The following TBCK variants were observed in gnomAD, a reference collection of about 807,000 sequenced individuals.
TBCK encodes the protein TBC domain-containing protein kinase-like protein.
Under a neutral mutation model 113.4 loss-of-function variants are expected in TBCK, and 99 were observed. The ratio of observed to expected loss-of-function variants is 0.87; its 90% CI spans 0.74 to 1.03. The LOEUF (loss-of-function observed/expected upper bound fraction) is 1.03, where lower values mean the gene tolerates loss of function less well. Ranked by LOEUF, TBCK falls within the 50% of genes least tolerant of loss-of-function variation. TBCK has a pLI of 0.00. For missense variants in TBCK, 1,045 were observed against 1,061.3 expected, an observed-to-expected ratio of 0.98 and a Z score of 0.21; for synonymous variants, 369 against 370.8, an observed-to-expected ratio of 1.00 and a Z score of 0.05.
At chr4:106,061,310 A>G (rs1227472662) in intron 25 of TBCK, among the ~76,000 whole-genome samples, 1 of 151,732 alleles carries the variant, frequency 6.6e-6, no homozygotes, top group Non-Finnish European at 1.5e-5. Flanking sequence ...AGCCACTTCA[A>G]TCTTTAGCCA....
rs115981747 is a variant in TBCK, at chr4:106,277,547, A to G, written c.267-15335T>C. On this transcript the variant is annotated intron_variant, in intron 3 of 25. Coordinates refer to ENST00000394708, the MANE Select transcript of TBCK (RefSeq NM_001163435.3). ...TATGATACATGAAACCACATGGATG[A>G]CCCTCAGAAATTATGCTGAATGAAG... Among the ~76,000 whole-genome samples the G allele has an allele frequency of 2.7e-3, 414 of 152,310 alleles. 2 individuals are homozygous for G. Among genetic ancestry groups the G allele is most frequent in the South Asian group, 8.1e-3 (39 of 4,828 alleles).
intron 22 of TBCK, among the ~76,000 whole-genome samples, chr4:106,184,737 C>G (rs1264580049): frequency 6.6e-6 from 1 of 151,998 alleles, no homozygotes; most frequent in Non-Finnish European, 1.5e-5. Context: ...ATATAATTCA[C>G]CCAGCCTTTC....
intron 25 of TBCK, among the ~76,000 whole-genome samples, chr4:106,075,209 A>G (rs1419835793): frequency 6.6e-6 from 1 of 152,232 alleles, no homozygotes; most frequent in African/African-American, 2.4e-5. Context: ...ACATGCAAGT[A>G]AATATGTAAA....
At position 106,212,956 on chromosome 4, in the gene TBCK, G is replaced by A. The variant is rs188230872; in HGVS notation, c.1775-121C>T. ...TAATTTCTCCATGAGAATACTTTACGTGATAATTTTGTTTTGTTACTATTT... is the reference window on the plus strand; with the variant it reads ...TAATTTCTCCATGAGAATACTTTACATGATAATTTTGTTTTGTTACTATTT... On this transcript the variant is annotated intron_variant, in intron 19 of 25. Coordinates refer to ENST00000394708, the MANE Select transcript of TBCK (RefSeq NM_001163435.3). The A allele has an allele frequency of 7.9e-3, 5,073 of 645,862 alleles. 36 individuals are homozygous for A. The highest frequency in any genetic ancestry group is 0.011 in the Non-Finnish European group (4,010 of 380,298). 40.0% of individuals were successfully genotyped at this position (645,862 alleles called of 1,614,324 possible). A position where few individuals can be genotyped will look rare whatever the true frequency, so the allele number is the denominator to read the frequency against.
chr4:106,308,268 C>T (rs1767754656), intron 2 of TBCK, among the ~76,000 whole-genome samples: 1 of 151,970 alleles, frequency 6.6e-6, no homozygotes, highest in East Asian at 1.9e-4. Flanking sequence ...TCCTCAAGAA[C>T]TAAGAATCCT....
At chr4:106,047,105 T>A (rs1031116897) in intron 25 of TBCK, among the ~76,000 whole-genome samples, 3 of 152,146 alleles carry the variant, frequency 2.0e-5, no homozygotes, top group African/African-American at 7.2e-5. Context: ...AAAATTTTGA[T>A]ATTATGGTCC....
chr4:106,102,199 T>C (rs1447222652), intron 24 of TBCK, among the ~76,000 whole-genome samples: 1 of 152,230 alleles, frequency 6.6e-6, no homozygotes, highest in Non-Finnish European at 1.5e-5. Flanking sequence ...GTTTTTATTG[T>C]TAAGTGGGTA....
intron 23 of TBCK, among the ~76,000 whole-genome samples, chr4:106,150,386 A>C: frequency 6.6e-6 from 1 of 152,138 alleles, no homozygotes; most frequent in East Asian, 1.9e-4. Context: ...CCCTGTATGC[A>C]CATGTTGTTA....
At chr4:106,242,968 T>C (rs538527066) in intron 11 of TBCK, among the ~76,000 whole-genome samples, 1 of 150,644 alleles carries the variant, frequency 6.6e-6, no homozygotes, top group East Asian at 2.0e-4. Context: ...CGGTGTTTGG[T>C]TTTTTGTTCT....
At chr4:106,302,744 C>T (rs1767076893) in intron 2 of TBCK, among the ~76,000 whole-genome samples, 1 of 152,120 alleles carries the variant, frequency 6.6e-6, no homozygotes, top group Admixed American at 6.5e-5. Context: ...AAACTTACAA[C>T]TGGAAATTCT....
chr4:106,242,944 T>A (rs898406001), intron 11 of TBCK, among the ~76,000 whole-genome samples: 1 of 146,400 alleles, frequency 6.8e-6, no homozygotes, highest in Non-Finnish European at 1.5e-5. Context: ...TTCTCACCTA[T>A]GAGTGAGAAT....
At chr4:106,290,977 A>G (rs541897768) in intron 3 of TBCK, among the ~76,000 whole-genome samples, 8 of 152,286 alleles carry the variant, frequency 5.3e-5, no homozygotes, top group Admixed American at 2.0e-4. Flanking sequence ...ACAGATTAAC[A>G]TTAATAGAGA....
chr4:106,229,120 G>C (rs960974488), intron 19 of TBCK, among the ~76,000 whole-genome samples: 1 of 151,812 alleles, frequency 6.6e-6, no homozygotes, highest in Non-Finnish European at 1.5e-5. Context: ...AGAGTTATCT[G>C]AGCTTCCTAT....
chr4:106,239,799 CA>C (rs1759891791), intron 12 of TBCK, among the ~76,000 whole-genome samples: 1 of 151,474 alleles, frequency 6.6e-6, no homozygotes, highest in East Asian at 1.9e-4. Flanking sequence ...TCCCATGAAA[CA>C]TTCAAGAAAT....
chr4:106,127,100 C>T (rs189148144), intron 23 of TBCK, among the ~76,000 whole-genome samples: 3 of 149,254 alleles, frequency 2.0e-5, no homozygotes, highest in Non-Finnish European at 4.4e-5. Context: ...CCCAGCTACT[C>T]GGGAGGCTGA....
chr4:106,139,343 A>C (rs1469447507), intron 23 of TBCK, among the ~76,000 whole-genome samples: 1 of 142,004 alleles, frequency 7.0e-6, no homozygotes, highest in African/African-American at 2.5e-5. Context: ...ATTTCTGGGA[A>C]ATATTCAGCT....
At chr4:106,087,535 C>T (rs1254603226) in intron 25 of TBCK, among the ~76,000 whole-genome samples, 1 of 152,152 alleles carries the variant, frequency 6.6e-6, no homozygotes, top group Non-Finnish European at 1.5e-5. Flanking sequence ...CAGTGCTATT[C>T]CCATCACACT....
intron 20 of TBCK, among the ~76,000 whole-genome samples, chr4:106,196,677 A>C (rs1297002832): frequency 6.6e-6 from 1 of 152,104 alleles, no homozygotes; most frequent in Non-Finnish European, 1.5e-5. Context: ...AAAAAGTACA[A>C]AGGTATATGA....
At chr4:106,143,796 C>T (rs1321886546) in intron 23 of TBCK, among the ~76,000 whole-genome samples, 14 of 151,990 alleles carry the variant, frequency 9.2e-5, no homozygotes, top group Admixed American at 9.2e-4. Flanking sequence ...CACCTGCAAT[C>T]CCAGCTATTC....
Sources: gnomAD v4.1 joint callset for allele counts (sites outside exome capture counted in the v4.1 genomes callset) on GRCh38, gnomAD v4.1.1 for gene constraint, MANE v1.5 for transcripts, NCBI Gene and HGNC (gene_info 2026-07-23, HGNC 2026-07-21) for gene names.